UBE2K: variants seen among roughly 807,000 people sequenced by gnomAD.
The protein encoded by UBE2K is ubiquitin conjugating enzyme E2 K, also known as ubiquitin-conjugating enzyme E2 K.
A neutral mutation model predicts 30.0 loss-of-function variants in UBE2K; 6 were observed. That is an observed-to-expected ratio of 0.20 (90% CI 0.11 to 0.39). The LOEUF is 0.39. Ranked by LOEUF, UBE2K falls within the 10% of genes least tolerant of loss-of-function variation. UBE2K has a pLI of 1.00. For synonymous variants in UBE2K, 86 were observed against 83.7 expected (o/e 1.03, Z -0.15); for missense variants, 61 against 241.6 (o/e 0.25, Z 4.96).
At chr4:39,772,802 C>T (rs62310129) in intron 4 of UBE2K, among the ~76,000 whole-genome samples, 76,365 of 151,394 alleles carry the variant, frequency 0.5, 20,074 homozygotes, top group East Asian at 0.64. Context: ...ATTCTCCTTC[C>T]TCAGCCACCT....
At chr4:39,720,665 A>G (rs1261345330) in intron 1 of UBE2K, among the ~76,000 whole-genome samples, 1 of 152,162 alleles carries the variant, frequency 6.6e-6, no homozygotes, top group Non-Finnish European at 1.5e-5. Flanking sequence ...ACCATGATCA[A>G]CTCTGTATAC....
intron 1 of UBE2K, among the ~76,000 whole-genome samples, chr4:39,699,128 T>A (rs1319318776): frequency 6.6e-6 from 1 of 152,170 alleles, no homozygotes; most frequent in Non-Finnish European, 1.5e-5. Context: ...AGGCAAGGTG[T>A]TTGGTGTATT....
chr4:39,765,617 C>G (rs1463828368), intron 4 of UBE2K, among the ~76,000 whole-genome samples: 2 of 145,658 alleles, frequency 1.4e-5, no homozygotes, highest in Non-Finnish European at 3.0e-5. Context: ...GTCAGGAGTT[C>G]CAGACCAGCC....
intron 3 of UBE2K, among the ~76,000 whole-genome samples, chr4:39,751,816 A>G (rs1000200055): frequency 2.0e-5 from 3 of 152,142 alleles, no homozygotes; most frequent in Non-Finnish European, 2.9e-5. Flanking sequence ...AAAATAGAAA[A>G]ATTAGTCGGG....
intron 3 of UBE2K, among the ~76,000 whole-genome samples, chr4:39,752,438 G>A (rs1409964457): frequency 8.5e-5 from 12 of 140,686 alleles, no homozygotes; most frequent in African/African-American, 2.9e-4. Flanking sequence ...CCAGGTTCAC[G>A]CCATTCTCCT....
At chr4:39,770,580 ACG>A in intron 4 of UBE2K, 1 of 1,583,278 alleles carries the variant, frequency 6.3e-7, no homozygotes, top group Non-Finnish European at 8.6e-7. Context: ...GGTGGCCCCC[ACG>A]CTGGCCCGGC....
intron 1 of UBE2K, among the ~76,000 whole-genome samples, chr4:39,705,539 A>G (rs1369924763): frequency 6.6e-6 from 1 of 152,008 alleles, no homozygotes; most frequent in Non-Finnish European, 1.5e-5. Context: ...CATTATTGAC[A>G]GTTATTGAAA....
chr4:39,748,512 G>T (rs571486876), intron 3 of UBE2K, among the ~76,000 whole-genome samples: 12 of 152,018 alleles, frequency 7.9e-5, no homozygotes, highest in South Asian at 2.1e-4. Flanking sequence ...AGGCATGGTG[G>T]CTCACGCCTA....
At position 39,771,550 on chromosome 4, in the gene UBE2K, G is replaced by C. The variant is rs540302083; in HGVS notation, c.300-3284G>C. Among the ~76,000 whole-genome samples the C allele has an allele frequency of 2.6e-3, 390 of 152,278 alleles. 4 individuals are homozygous for C. The highest frequency in any genetic ancestry group is 8.4e-3 in the African/African-American group (351 of 41,572). ...CCCCCCACACACGGGCAGAGCCAGGGCAGCATGTAGGCGCAGGGCGGGAGG... is the reference window on the plus strand; with the variant it reads ...CCCCCCACACACGGGCAGAGCCAGGCCAGCATGTAGGCGCAGGGCGGGAGG... On this transcript the variant is annotated intron_variant, in intron 4 of 6. Transcript: ENST00000261427.
At chr4:39,745,345 C>CT (rs144510601) in intron 2 of UBE2K, among the ~76,000 whole-genome samples, 3,377 of 152,122 alleles carry the variant, frequency 0.022, 48 homozygotes, top group Non-Finnish European at 0.029. Context: ...ATCATCTGTA[C>CT]TTTTATACCT....
chr4:39,714,552 T>TATATA (rs1560343937), intron 1 of UBE2K: 2 of 58,032 alleles, frequency 3.4e-5, no homozygotes, highest in African/African-American at 2.1e-4. Context: ...ATATATATAT[T>TATATA]TTTTTTTTTT....
At chr4:39,762,963 T>TTTTTTGA (rs1275435847) in intron 4 of UBE2K, among the ~76,000 whole-genome samples, 1 of 124,872 alleles carries the variant, frequency 8.0e-6, no homozygotes, top group East Asian at 2.6e-4. Flanking sequence ...TTTTTTTTTT[T>TTTTTTGA]GGAGACTGTC....
At chr4:39,725,874 C>CTCAAGCA (rs540340423) in intron 1 of UBE2K, among the ~76,000 whole-genome samples, 70 of 152,230 alleles carry the variant, frequency 4.6e-4, no homozygotes, top group African/African-American at 1.7e-3. Context: ...AACTCCTGGG[C>CTCAAGCA]TCAAGCAGTC....
chr4:39,728,973 C>CTT (rs76762722), intron 1 of UBE2K, among the ~76,000 whole-genome samples: 10 of 137,532 alleles, frequency 7.3e-5, no homozygotes, highest in Admixed American at 1.5e-4. Context: ...AGCCCCCCAC[C>CTT]TTTTTTTTTT....
At chr4:39,729,263 G>T (rs925282433) in intron 1 of UBE2K, among the ~76,000 whole-genome samples, 2 of 151,870 alleles carry the variant, frequency 1.3e-5, no homozygotes, top group Admixed American at 6.6e-5. Context: ...GAGCCATGGC[G>T]CCCGGTCTTT....
chr4:39,746,630 C>T (rs1371243136), intron 3 of UBE2K, among the ~76,000 whole-genome samples: 3 of 152,202 alleles, frequency 2.0e-5, no homozygotes, highest in Admixed American at 2.0e-4. Flanking sequence ...TTGTTTCCCA[C>T]TCTAATCTTC....
At chr4:39,708,462 G>C (rs1718497919) in intron 1 of UBE2K, among the ~76,000 whole-genome samples, 1 of 151,958 alleles carries the variant, frequency 6.6e-6, no homozygotes, top group South Asian at 2.1e-4. Flanking sequence ...TCCAAATCAA[G>C]AAACAGACCC....
At chr4:39,770,837 A>G (rs199832559) in intron 4 of UBE2K, 3 of 1,538,902 alleles carry the variant, frequency 1.9e-6, no homozygotes, top group Non-Finnish European at 2.6e-6. Context: ...ATACGTCCTC[A>G]TCCTCATCCT....
Position 39,766,461 on chromosome 4 carries a change from C to T in UBE2K, c.300-8373C>T, listed in dbSNP as rs906894182. On this transcript the variant is annotated intron_variant, in intron 4 of 6. Transcript: ENST00000261427. ...AGAAACGTCTGTTCACATCCCTTGT[C>T]GATTTTTTAACCAGGTTTTTTTTTT... Among the ~76,000 whole-genome samples the T allele has an allele frequency of 5.3e-5, 8 of 150,174 alleles. No homozygotes were observed. In the East Asian group the frequency reaches 5.8e-4, roughly 11 times the overall value.
Sources: gnomAD v4.1 joint callset for allele counts (sites outside exome capture counted in the v4.1 genomes callset) on GRCh38, gnomAD v4.1.1 for gene constraint, MANE v1.5 for transcripts, NCBI Gene and HGNC (gene_info 2026-07-23, HGNC 2026-07-21) for gene names.